OCA2: variants seen among roughly 807,000 people sequenced by gnomAD.
The protein encoded by OCA2 is P protein.
A neutral mutation model predicts 100.2 loss-of-function variants in OCA2; 77 were observed. That is an observed-to-expected ratio of 0.77 (90% CI 0.64 to 0.93). The LOEUF is 0.93. Ranked by LOEUF, OCA2 falls within the 40% of genes least tolerant of loss-of-function variation. The probability of loss-of-function intolerance (pLI) is 0.00; values close to 1 mark genes in which losing one functional copy is unlikely to be tolerated. For synonymous variants in OCA2, 432 were observed against 439.2 expected (o/e 0.98, Z 0.21); for missense variants, 1,062 against 1,089.1 (o/e 0.98, Z 0.35).
chr15:27,955,174 T>G lies in OCA2; in HGVS notation c.1826A>C (p.Gln609Pro). Residue 609 changes from glutamine to proline, a missense_variant, in exon 17 of 24, where the codon CAA (glutamine) becomes CCA (proline). Coordinates refer to ENST00000354638, the MANE Select transcript of OCA2 (RefSeq NM_000275.3). ...QEDKNWETNI[Q>P]ELQKKHRISD... ...GCTGGGTACCTTTTTTTGGAGTTCT[T>G]GGATATTGGTCTCCCAATTTTTGTC... 6.2e-7 allele frequency: 1 copy of G among 1,612,166 alleles called. No individual in the cohort carries two copies.
intron 9 of OCA2, among the ~76,000 whole-genome samples, chr15:28,005,326 C>T (rs2042059810): frequency 6.6e-6 from 1 of 152,144 alleles, no homozygotes; most frequent in Non-Finnish European, 1.5e-5. Flanking sequence ...TCTCCCCAAG[C>T]TCACATCTCC....
chr15:27,804,226 T>C (rs1282020958), intron 23 of OCA2, among the ~76,000 whole-genome samples: 3 of 152,270 alleles, frequency 2.0e-5, no homozygotes, highest in East Asian at 1.9e-4. Context: ...CACCCAGGAA[T>C]TGTGAGAAGA....
At chr15:27,909,696 T>G (rs1010588128) in intron 19 of OCA2, among the ~76,000 whole-genome samples, 7 of 152,130 alleles carry the variant, frequency 4.6e-5, no homozygotes, top group African/African-American at 1.7e-4. Context: ...AGGTAGTCAC[T>G]TGGAAAAATA....
chr15:27,784,854 G>A (rs1498509), intron 23 of OCA2, among the ~76,000 whole-genome samples: 84,692 of 151,724 alleles, frequency 0.56, 25,487 homozygotes, highest in African/African-American at 0.77. Context: ...AAAACATCCA[G>A]CATGTGTAAT....
At chr15:28,097,141 G>A (rs1214670515) in intron 1 of OCA2, among the ~76,000 whole-genome samples, 1 of 152,224 alleles carries the variant, frequency 6.6e-6, no homozygotes, top group Non-Finnish European at 1.5e-5. Flanking sequence ...TGCGGAATGC[G>A]CCTCCTGGCG....
intron 6 of OCA2, among the ~76,000 whole-genome samples, chr15:28,018,769 G>A (rs1408254253): frequency 2.6e-5 from 4 of 152,134 alleles, no homozygotes; most frequent in South Asian, 2.1e-4. Context: ...GCAGATCGTC[G>A]TGACCCTCTT....
At chr15:27,728,997 G>A in the OCA2 span, among the ~76,000 whole-genome samples, 11 of 152,066 alleles carry the variant, frequency 7.2e-5, no homozygotes, top group African/African-American at 2.4e-4. Flanking sequence ...CTTCCACTCT[G>A]CAAGAAGAAG....
At chr15:27,996,750 T>C (rs562526334) in intron 9 of OCA2, among the ~76,000 whole-genome samples, 3 of 151,252 alleles carry the variant, frequency 2.0e-5, no homozygotes, top group South Asian at 2.1e-4. Context: ...CAAGAAAAAA[T>C]AGAAAACCTG....
chr15:27,994,632 T>G (rs2041664887), intron 9 of OCA2, among the ~76,000 whole-genome samples: 1 of 152,218 alleles, frequency 6.6e-6, no homozygotes, highest in Non-Finnish European at 1.5e-5. Context: ...CCTGTGAGCA[T>G]GGCGTGCCTC....
At chr15:28,058,336 A>G (rs115007878) in intron 2 of OCA2, among the ~76,000 whole-genome samples, 2,803 of 152,290 alleles carry the variant, frequency 0.018, 89 homozygotes, top group African/African-American at 0.064. Flanking sequence ...TCCGTCTGCA[A>G]TGTCCTCTGG....
At chr15:27,923,135 G>T (rs2038926730) in intron 19 of OCA2, among the ~76,000 whole-genome samples, 1 of 152,172 alleles carries the variant, frequency 6.6e-6, no homozygotes, top group South Asian at 2.1e-4. Context: ...TTCTGCAAAA[G>T]ATATTACCTC....
intron 23 of OCA2, among the ~76,000 whole-genome samples, chr15:27,804,396 T>A (rs2033739015): frequency 6.6e-6 from 1 of 152,212 alleles, no homozygotes; most frequent in Admixed American, 6.5e-5. Context: ...GTTGGGTTCT[T>A]TGCACTTAAA....
chr15:27,775,197 G>A (rs1168433820), intron 23 of OCA2, among the ~76,000 whole-genome samples: 2 of 151,984 alleles, frequency 1.3e-5, no homozygotes, highest in Admixed American at 6.5e-5. Flanking sequence ...GGTTAGCTCC[G>A]CCCCCTACGG....
At chr15:27,917,781 T>C (rs539808071) in intron 19 of OCA2, among the ~76,000 whole-genome samples, 4 of 152,110 alleles carry the variant, frequency 2.6e-5, no homozygotes, top group Non-Finnish European at 4.4e-5. Context: ...TGGCTCCTAA[T>C]AGGGCTTTTC....
chr15:27,979,859 C>T (rs1386461313), intron 14 of OCA2, among the ~76,000 whole-genome samples: 1 of 145,522 alleles, frequency 6.9e-6, no homozygotes, highest in Non-Finnish European at 1.5e-5. Context: ...GCCACCATGC[C>T]CAGCTAGTGT....
chr15:27,770,779 A>ATTCTTCCTTCCTCCCTCCCTCTCT (rs1302416244), intron 23 of OCA2, among the ~76,000 whole-genome samples: 1 of 61,682 alleles, frequency 1.6e-5, no homozygotes, highest in Non-Finnish European at 4.7e-5. Flanking sequence ...CCTCCCTTCC[A>ATTCTTCCTTCCTCCCTCCCTCTCT]TCCTTCCTTC....
intron 2 of OCA2, among the ~76,000 whole-genome samples, chr15:28,065,675 T>C (rs1421589580): frequency 2.0e-5 from 3 of 152,156 alleles, no homozygotes; most frequent in Non-Finnish European, 2.9e-5. Context: ...CAGTAAGTCA[T>C]TGCTTTGGGG....
the OCA2 span, among the ~76,000 whole-genome samples, chr15:27,722,782 C>CTT: frequency 1.7e-5 from 2 of 118,886 alleles, no homozygotes; most frequent in African/African-American, 3.7e-5. Flanking sequence ...TTCTTTCTTT[C>CTT]TCTCTCTCTC....
intron 2 of OCA2, among the ~76,000 whole-genome samples, chr15:28,040,380 G>A (rs2043168104): frequency 6.6e-6 from 1 of 152,148 alleles, no homozygotes; most frequent in Admixed American, 6.6e-5. Context: ...GAAATTTATA[G>A]CTGTAAATGC....
Sources: gnomAD v4.1 joint callset for allele counts (sites outside exome capture counted in the v4.1 genomes callset) on GRCh38, gnomAD v4.1.1 for gene constraint, MANE v1.5 for transcripts, NCBI Gene and HGNC (gene_info 2026-07-23, HGNC 2026-07-21) for gene names.